The following WDR36 variants were observed in gnomAD, a reference collection of about 807,000 sequenced individuals.
The protein encoded by WDR36 is WD repeat-containing protein 36.
Under a neutral mutation model 112.7 loss-of-function variants are expected in WDR36, and 63 were observed. That is an observed-to-expected ratio of 0.56 (90% CI 0.46 to 0.69). The LOEUF (loss-of-function observed/expected upper bound fraction) is 0.69. Ranked by LOEUF, WDR36 falls within the 30% of genes least tolerant of loss-of-function variation. WDR36 has a pLI of 0.00. For synonymous variants in WDR36, 410 were observed against 362.2 expected (o/e 1.13, Z -1.50); for missense variants, 1,226 against 1,070.3 (o/e 1.15, Z -2.03).
In WDR36 at chr5:111,126,928, C is replaced by G. The variant is rs11952807; in HGVS notation, c.*45C>G. The G allele has an allele frequency of 4.8e-3, 7,177 of 1,492,574 alleles. 251 individuals carry two copies. The African/African-American group carries it at 0.082, about 17-fold the overall frequency. 92.5% of individuals were successfully genotyped at this position (1,492,574 alleles called of 1,614,324 possible). Reference sequence around the variant, plus strand: ...CAAAGACTTTCATATTAAATGGGTTCAATTGAACTCATTTCTTATTTTCCA... The same window carrying G: ...CAAAGACTTTCATATTAAATGGGTTGAATTGAACTCATTTCTTATTTTCCA... On this transcript the variant is annotated 3_prime_UTR_variant, in exon 23 of 23. Coordinates refer to ENST00000513710, the MANE Select transcript of WDR36 (RefSeq NM_139281.3).
intron 16 of WDR36, among the ~76,000 whole-genome samples, chr5:111,116,748 G>A (rs531846028): frequency 4.6e-5 from 7 of 152,078 alleles, no homozygotes; most frequent in Non-Finnish European, 1.0e-4. Flanking sequence ...TCAATTTGGT[G>A]GTTTTATATA....
At chr5:111,093,157 AC>A (rs1752903370) in intron 1 of WDR36, among the ~76,000 whole-genome samples, 1 of 152,244 alleles carries the variant, frequency 6.6e-6, no homozygotes, top group Non-Finnish European at 1.5e-5. Context: ...TTTCTTTGCA[AC>A]ATAGGTGTCA....
chr5:111,107,161 CAT>C, intron 11 of WDR36, 131 bp from the exon 12 acceptor site: 4 of 998,412 alleles, frequency 4.0e-6, no homozygotes, highest in Non-Finnish European at 5.9e-6. Context: ...AGATTGGAAA[CAT>C]ATTGCTATCA....
intron 7 of WDR36, 110 bp from the exon 8 acceptor site, chr5:111,104,067 G>C: frequency 7.3e-7 from 1 of 1,376,984 alleles, no homozygotes; most frequent in South Asian, 1.3e-5. Context: ...TAGATTATTG[G>C]TATATAGTTT....
In WDR36 at chr5:111,127,786, A is replaced by G. The variant is rs185234710; in HGVS notation, c.*903A>G. 530 of 211,990 alleles carry G rather than the reference A, an allele frequency of 2.5e-3. 4 individuals are homozygous for G. Among genetic ancestry groups the G allele is most frequent in the Non-Finnish European group, 3.2e-3 (338 of 104,422 alleles). 13.1% of individuals were successfully genotyped at this position (211,990 alleles called of 1,614,324 possible). On this transcript the variant is annotated 3_prime_UTR_variant, in exon 23 of 23. Coordinates refer to ENST00000513710, the MANE Select transcript of WDR36 (RefSeq NM_139281.3). ...TTACTGACACTGCAGACATGTAGAT[A>G]ACAATAGTTTAATGTCCTCTGAAAA...
intron 9 of WDR36, 47 bp from the exon 10 acceptor site, chr5:111,105,248 C>T (rs112347053): frequency 6.4e-7 from 1 of 1,563,160 alleles, no homozygotes; most frequent in Non-Finnish European, 8.8e-7. Context: ...CACATAGTCC[C>T]TTGTTTTAAT....
Position 111,100,059 on chromosome 5 carries a change from G to GC in WDR36, c.410-530_410-529insC, listed in dbSNP as rs941596817. ...CACCCCCCACTCCACAGGGTTATAC[G>GC]TTTTTTTTTTCTCCTTTATTAGAGA... On this transcript the variant is annotated intron_variant, in intron 4 of 22. Transcript: ENST00000513710. 2.0e-5 allele frequency among the ~76,000 whole-genome samples: 3 copies of GC among 149,596 alleles called. No homozygotes were observed. The Admixed American group carries it at 2.0e-4, about 10-fold the overall frequency.
rs760714532 is a variant in WDR36, at chr5:111,127,063, A to G, written c.*180A>G. 2 of 582,416 alleles carry G rather than the reference A, an allele frequency of 3.4e-6. No individual in the cohort carries two copies. The highest frequency in any genetic ancestry group is 2.9e-6 in the Non-Finnish European group (1 of 349,118). The allele number at this position is 582,416 out of a possible 1,614,324, so 36.1% of individuals were successfully genotyped here. ...ATAAAATCGCACCTCCCGGCCAGGC[A>G]TGATGGATAATGCCTGTAATTCCAG... On this transcript the variant is annotated 3_prime_UTR_variant, in exon 23 of 23. Transcript: ENST00000513710.
chr5:111,106,378 T>C (rs1227008568), intron 11 of WDR36, among the ~76,000 whole-genome samples: 1 of 151,454 alleles, frequency 6.6e-6, no homozygotes, highest in Non-Finnish European at 1.5e-5. Context: ...ATTAATAATA[T>C]TTGATTTTAT....
chr5:111,123,594 C>G (rs911332697), intron 19 of WDR36, among the ~76,000 whole-genome samples: 1 of 152,142 alleles, frequency 6.6e-6, no homozygotes, highest in Admixed American at 6.5e-5. Flanking sequence ...TCTGCCTTAT[C>G]GGCAAGGGTG....
In WDR36 at chr5:111,129,038, A is replaced by G. The variant is rs1753733336; in HGVS notation, c.*2155A>G. On this transcript the variant is annotated 3_prime_UTR_variant, in exon 23 of 23. Transcript: ENST00000513710. Reference sequence around the variant, plus strand: ...TTACGATTTTTACATACGTGTATGTATATTATTGTACAACTTGCTATTTCT... The same window carrying G: ...TTACGATTTTTACATACGTGTATGTGTATTATTGTACAACTTGCTATTTCT... 1 of 195,838 alleles carries G rather than the reference A, an allele frequency of 5.1e-6. No individual in the cohort carries two copies. The highest frequency in any genetic ancestry group is 6.1e-5 in the Admixed American group (1 of 16,448). 12.1% of individuals were successfully genotyped at this position (195,838 alleles called of 1,614,324 possible).
chr5:111,117,077 T>A (rs1235517743), intron 16 of WDR36, among the ~76,000 whole-genome samples: 1 of 152,200 alleles, frequency 6.6e-6, no homozygotes, highest in Admixed American at 6.5e-5. Flanking sequence ...GTGTATGGCA[T>A]AGAATAAGTA....
rs1753746066 is a variant in WDR36 at position 111,129,567 on chromosome 5, C to T, written c.*2684C>T. On this transcript the variant is annotated 3_prime_UTR_variant, in exon 23 of 23. Coordinates refer to ENST00000513710, the MANE Select transcript of WDR36 (RefSeq NM_139281.3). ...TCATTTTTCTATTGAATGATTTGTC[C>T]TTTTATCTCATGGATTTGTTAGGAG... 4.9e-6 allele frequency: 1 copy of T among 202,330 alleles called. No homozygotes were observed. Among genetic ancestry groups the T allele is most frequent in the Admixed American group, 6.0e-5 (1 of 16,634 alleles). The allele number at this position is 202,330 out of a possible 1,614,324, so 12.5% of individuals were successfully genotyped here.
Position 111,092,557 on chromosome 5 carries a change from G to C in WDR36, c.101G>C (p.Ser34Thr). The change falls in exon 1 of 23, where the codon AGC becomes ACC. Residue 34 changes from serine to threonine, a missense_variant. Ser to Thr is a moderately conservative substitution (Grantham distance 58). Coordinates refer to ENST00000513710, the MANE Select transcript of WDR36 (RefSeq NM_139281.3). The stretch of plus-strand genomic sequence containing the variant: ...GACATTCCACACGTGGTGCGGTTCA[G>C]CGCGCTCAAGCGCCGGTTCTATGTA... The part of the protein sequence containing the change: ...SNDIPHVVRF[S>T]ALKRRFYVTT... 1 of 1,614,192 alleles carries C rather than the reference G, an allele frequency of 6.2e-7. No homozygotes were observed. Among genetic ancestry groups the C allele is most frequent in the Non-Finnish European group, 8.5e-7 (1 of 1,180,034 alleles).
chr5:111,125,802 C>A lies in WDR36; in HGVS notation c.2538+7C>A, dbSNP rs754525639. The stretch of plus-strand genomic sequence containing the variant: ...CCTTGCATTGTTTCTAAAGGTAAGT[C>A]TAATGTAAGACAGTACTGCCCAGCT... On this transcript the variant is annotated splice_region_variant and intron_variant, in intron 22 of 22. Transcript: ENST00000513710. 1.2e-6 allele frequency: 2 copies of A among 1,613,550 alleles called. No homozygotes were observed. The highest frequency in any genetic ancestry group is 1.1e-5 in the South Asian group (1 of 91,060).
At position 111,126,760 on chromosome 5, in the gene WDR36, G is replaced by A. The variant is rs73226369; in HGVS notation, c.2565G>A (p.Glu855=). The A allele has an allele frequency of 6.2e-7, 1 of 1,613,720 alleles. No homozygotes were observed. The highest frequency in any genetic ancestry group is 1.3e-5 in the African/African-American group (1 of 74,992). Residue 855 remains glutamate, a synonymous_variant, in exon 23 of 23, where the codon GAG becomes GAA. Transcript: ENST00000513710. ...TACACCTTAAAATGCTTCCTTCAGA[G>A]CCAGTACTCCTAGAAGAAATAACAA... ...LKLHLKMLPS[E]PVLLEEITNL... is the part of the protein sequence containing the mutation.
In WDR36 at chr5:111,110,238, C is replaced by T. The variant is rs1753299020; in HGVS notation, c.1376C>T (p.Ser459Leu). 1.2e-6 allele frequency: 2 copies of T among 1,610,958 alleles called. No individual in the cohort carries two copies. Among genetic ancestry groups the T allele is most frequent in the Non-Finnish European group, 1.7e-6 (2 of 1,177,720 alleles). ...CGNFAVIGLS[S>L]GTVDVYNMQS... ...AACTTTGCTGTAATTGGCCTCTCAT[C>T]AGGAACTGTAGATGTATATAACATG... Residue 459 changes from serine to leucine, a missense_variant, in exon 13 of 23, where the codon TCA becomes TTA. By Grantham distance (145) the Ser-to-Leu change is moderately radical (BLOSUM62 -2). Transcript: ENST00000513710.
At position 111,127,820 on chromosome 5, in the gene WDR36, T is replaced by C. The variant is rs1753703507; in HGVS notation, c.*937T>C. ...TTAATGTCCTCTGAAAAGGTAAAAA[T>C]TCCATAAATCCTTGCAAACAATTTT... On this transcript the variant is annotated 3_prime_UTR_variant, in exon 23 of 23. Transcript: ENST00000513710. The C allele has an allele frequency of 4.7e-6, 1 of 211,850 alleles. No homozygotes were observed. Among genetic ancestry groups the C allele is most frequent in the South Asian group, 1.9e-4 (1 of 5,342 alleles). The allele number at this position is 211,850 out of a possible 1,614,324, so 13.1% of individuals were successfully genotyped here.
At chr5:111,094,820 T>G in intron 1 of WDR36, 100 bp from the exon 2 acceptor site, 1 of 959,450 alleles carries the variant, frequency 1.0e-6, no homozygotes, top group East Asian at 2.6e-5. Context: ...AAGGACAGCA[T>G]AGCAAATATA....
Sources: gnomAD v4.1 joint callset for allele counts (sites outside exome capture counted in the v4.1 genomes callset) on GRCh38, gnomAD v4.1.1 for gene constraint, MANE v1.5 for transcripts, NCBI Gene and HGNC (gene_info 2026-07-23, HGNC 2026-07-21) for gene names.